Variants in SEMA6A observed in about 807,000 individuals in gnomAD.
SEMA6A encodes semaphorin 6A.
Under a neutral mutation model 96.8 loss-of-function variants are expected in SEMA6A, and 25 were observed. The ratio of observed to expected loss-of-function variants is 0.26; its 90% CI spans 0.19 to 0.36. The LOEUF is 0.36. Ranked by LOEUF, SEMA6A falls within the 10% of genes least tolerant of loss-of-function variation. The pLI is 1.00. For synonymous variants in SEMA6A, 612 were observed against 518.0 expected, an observed-to-expected ratio of 1.18 and a Z score of -2.46; for missense variants, 1,363 against 1,323.1, an observed-to-expected ratio of 1.03 and a Z score of -0.47.
chr5:116,525,186 C>T (rs1759168691), intron 1 of SEMA6A, among the ~76,000 whole-genome samples: 1 of 152,120 alleles, frequency 6.6e-6, no homozygotes, highest in South Asian at 2.1e-4. Flanking sequence ...ACTGAGTATT[C>T]CCCATGAACA....
At chr5:116,539,367 A>G (rs1318694949) in intron 1 of SEMA6A, among the ~76,000 whole-genome samples, 3 of 152,222 alleles carry the variant, frequency 2.0e-5, no homozygotes, top group Non-Finnish European at 2.9e-5. Flanking sequence ...GAGTAGGCAC[A>G]TAATCTGACG....
At chr5:116,488,809 G>C (rs1247021283) in intron 8 of SEMA6A, 79 bp downstream of exon 8, 1 of 1,431,088 alleles carries the variant, frequency 7.0e-7, no homozygotes, top group Admixed American at 2.8e-5. Flanking sequence ...ATACAGTCTG[G>C]TCCCTCCAGA....
intron 12 of SEMA6A, among the ~76,000 whole-genome samples, chr5:116,479,010 G>C (rs1385651803): frequency 6.6e-6 from 1 of 151,844 alleles, no homozygotes; most frequent in Non-Finnish European, 1.5e-5. Context: ...AAACCACTTA[G>C]CAATAATCCC....
chr5:116,505,310 A>G (rs1758093002), intron 1 of SEMA6A, among the ~76,000 whole-genome samples: 1 of 152,278 alleles, frequency 6.6e-6, no homozygotes, highest in African/African-American at 2.4e-5. Context: ...ATTTGAGGTG[A>G]CTGCCAATAT....
At chr5:116,491,525 C>T (rs1034079645) in intron 7 of SEMA6A, among the ~76,000 whole-genome samples, 1 of 152,008 alleles carries the variant, frequency 6.6e-6, no homozygotes, top group Non-Finnish European at 1.5e-5. Context: ...ATGCTGTTAT[C>T]CTTTCCTGAA....
chr5:116,538,308 G>T (rs1456871108), intron 1 of SEMA6A, among the ~76,000 whole-genome samples: 2 of 152,108 alleles, frequency 1.3e-5, no homozygotes, highest in Non-Finnish European at 2.9e-5. Context: ...GCAATGATAG[G>T]TATTTGTTGA....
intron 1 of SEMA6A, among the ~76,000 whole-genome samples, chr5:116,564,567 G>A (rs57244892): frequency 0.026 from 3,881 of 152,182 alleles, 169 homozygotes; most frequent in African/African-American, 0.088. Context: ...TGCATCACAC[G>A]TGAAGCACAT....
chr5:116,488,208 C>T lies in SEMA6A; in HGVS notation c.656-12G>A, dbSNP rs745775370. ...AACAAAGTATGGTTCTGTAGACAAA[C>T]AGGCACTTTAATTGGGAACATGTCA... is the stretch of plus-strand genomic sequence containing the variant. On this transcript the variant is annotated splice_polypyrimidine_tract_variant and intron_variant, in intron 8 of 18. Transcript: ENST00000343348. The T allele has an allele frequency of 1.7e-5, 26 of 1,564,994 alleles. No individual in the cohort carries two copies. Among genetic ancestry groups the T allele is most frequent in the Non-Finnish European group, 2.1e-5 (24 of 1,139,934 alleles).
At chr5:116,480,394 G>T in intron 11 of SEMA6A, 117 bp from the exon 12 acceptor site, 1 of 1,257,254 alleles carries the variant, frequency 8.0e-7, no homozygotes, top group Non-Finnish European at 1.1e-6. Context: ...TGCAGCCTGA[G>T]AGGAGGAAGT....
At chr5:116,474,278 GCACACACACACACACACA>G (rs113731062) in intron 16 of SEMA6A, among the ~76,000 whole-genome samples, 1 of 147,300 alleles carries the variant, frequency 6.8e-6, no homozygotes, top group Non-Finnish European at 1.5e-5. Context: ...GTGCACGCAT[GCACACACACACACACACA>G]CACACACACA....
intron 1 of SEMA6A, among the ~76,000 whole-genome samples, chr5:116,557,624 C>G (rs1760657569): frequency 6.6e-6 from 1 of 151,674 alleles, no homozygotes; most frequent in African/African-American, 2.4e-5. Context: ...AGTCCTAAAA[C>G]CTGTGTTAGA....
At chr5:116,564,380 ACT>A (rs1760941369) in intron 1 of SEMA6A, among the ~76,000 whole-genome samples, 1 of 152,354 alleles carries the variant, frequency 6.6e-6, no homozygotes, top group African/African-American at 2.4e-5. Context: ...TGAATTCAAC[ACT>A]GTTTGCTTCC....
intron 3 of SEMA6A, chr5:116,499,201 TGG>T (rs1337812527): frequency 6.6e-6 from 1 of 152,210 alleles, no homozygotes; most frequent in Admixed American, 6.5e-5. Flanking sequence ...AAAGCTCACA[TGG>T]CCCTAGCAAA....
chr5:116,497,349 G>T lies in SEMA6A; in HGVS notation c.257C>A (p.Thr86Lys). 6.3e-7 allele frequency: 1 copy of T among 1,598,060 alleles called. No homozygotes were observed. The highest frequency in any genetic ancestry group is 8.6e-7 in the Non-Finnish European group (1 of 1,166,658). The stretch of plus-strand genomic sequence containing the variant: ...TACTTTGCTACAATAAATTTCTTCC[G>T]TGTGTGATGTGTCTATATCAACAGT... ...IYTVDIDTSH[T>K]EEIYCSKKLT... The change falls in exon 4 of 19, where the codon ACG (threonine) becomes AAG (lysine). Residue 86 changes from threonine (T) to lysine (K), a missense_variant. Thr to Lys is a moderately conservative substitution (Grantham distance 78, BLOSUM62 -1). Coordinates refer to ENST00000343348, the MANE Select transcript of SEMA6A (RefSeq NM_020796.5).
chr5:116,459,566 C>G (rs1244450869), intron 18 of SEMA6A, among the ~76,000 whole-genome samples: 2 of 152,256 alleles, frequency 1.3e-5, no homozygotes, highest in South Asian at 2.1e-4. Flanking sequence ...TTTATTATTA[C>G]ACTCTGTAAT....
intron 18 of SEMA6A, among the ~76,000 whole-genome samples, chr5:116,461,809 C>A (rs1468087236): frequency 6.6e-6 from 1 of 152,142 alleles, no homozygotes; most frequent in African/African-American, 2.4e-5. Flanking sequence ...TGTGTTCCAT[C>A]TGTCTGGTGT....
At position 116,516,016 on chromosome 5, in the gene SEMA6A, G is replaced by A. The variant is rs536799935; in HGVS notation, c.-38-11034C>T. On this transcript the variant is annotated intron_variant, in intron 1 of 18. Transcript: ENST00000343348. ...ACAGTCTCAAGATCAGGAAGAAAGTGAAAACATTTCCTTGAACTAAAATGT... is the reference window on the plus strand; with the variant it reads ...ACAGTCTCAAGATCAGGAAGAAAGTAAAAACATTTCCTTGAACTAAAATGT... 2.0e-5 allele frequency among the ~76,000 whole-genome samples: 3 copies of A among 152,298 alleles called. No homozygotes were observed. In the South Asian group the frequency reaches 6.2e-4, roughly 32 times the overall value.
chr5:116,518,586 T>A (rs1758775810), intron 1 of SEMA6A, among the ~76,000 whole-genome samples: 1 of 152,056 alleles, frequency 6.6e-6, no homozygotes, highest in Non-Finnish European at 1.5e-5. Flanking sequence ...AGGTGATAAA[T>A]CAGAGAGAAA....
chr5:116,532,877 C>G (rs139265779), intron 1 of SEMA6A, among the ~76,000 whole-genome samples: 1 of 152,318 alleles, frequency 6.6e-6, no homozygotes, highest in Admixed American at 6.5e-5. Flanking sequence ...AGCATTTTGT[C>G]ACACTTAGCC....
Sources: allele counts gnomAD v4.1 joint callset (sites outside exome capture counted in the v4.1 genomes callset), GRCh38; gene constraint gnomAD v4.1.1; transcripts MANE v1.5; gene names NCBI Gene and HGNC (gene_info 2026-07-23, HGNC 2026-07-21).